Variants in DCC observed in about 807,000 individuals in gnomAD.
DCC encodes netrin receptor DCC.
A neutral mutation model predicts 172.5 loss-of-function variants in DCC; 58 were observed. That is an observed-to-expected ratio of 0.34 (90% CI 0.27 to 0.42). The LOEUF is 0.42. Among genes scored for constraint, DCC ranks in the 10% least tolerant of loss-of-function variants. DCC has a pLI of 1.00. For missense variants in DCC, 1,740 were observed against 1,791.0 expected (o/e 0.97, Z 0.51); for synonymous variants, 709 against 644.5 (o/e 1.10, Z -1.52).
chr18:53,286,324 G>A (rs934648481), intron 12 of DCC, among the ~76,000 whole-genome samples: 1 of 152,084 alleles, frequency 6.6e-6, no homozygotes. Context: ...GGTCTTTCCT[G>A]TGCTGTACTC....
chr18:52,700,915 A>T (rs1240705803), intron 1 of DCC, among the ~76,000 whole-genome samples: 1 of 152,238 alleles, frequency 6.6e-6, no homozygotes, highest in African/African-American at 2.4e-5. Flanking sequence ...TTGCAAGTAC[A>T]AAATTTCCTA....
intron 1 of DCC, among the ~76,000 whole-genome samples, chr18:52,626,700 T>C (rs2034580053): frequency 6.6e-6 from 1 of 152,156 alleles, no homozygotes; most frequent in Non-Finnish European, 1.5e-5. Context: ...AACAGTAAAT[T>C]TGAAACAAAA....
At chr18:52,644,991 T>C (rs75179866) in intron 1 of DCC, among the ~76,000 whole-genome samples, 1 of 152,196 alleles carries the variant, frequency 6.6e-6, no homozygotes, top group South Asian at 2.1e-4. Flanking sequence ...CTGGTTTATC[T>C]CTTCTATTTA....
intron 12 of DCC, among the ~76,000 whole-genome samples, chr18:53,298,849 G>A (rs142089843): frequency 7.7e-4 from 117 of 152,184 alleles, no homozygotes; most frequent in African/African-American, 2.7e-3. Context: ...GCCAAGTAGA[G>A]TCCCTGTGAT....
chr18:52,950,965 A>G, intron 5 of DCC, among the ~76,000 whole-genome samples: 1 of 133,432 alleles, frequency 7.5e-6, no homozygotes, highest in Non-Finnish European at 1.6e-5. Context: ...AAAAAAAAAA[A>G]AAAAAAGTCT....
chr18:53,414,711 G>T (rs1031064024), intron 20 of DCC, among the ~76,000 whole-genome samples: 1 of 152,084 alleles, frequency 6.6e-6, no homozygotes, highest in African/African-American at 2.4e-5. Context: ...AGCCAGGCGT[G>T]GTGGCACATG....
At chr18:52,863,749 T>C (rs1023350917) in intron 2 of DCC, among the ~76,000 whole-genome samples, 4 of 151,968 alleles carry the variant, frequency 2.6e-5, no homozygotes, top group Non-Finnish European at 5.9e-5. Flanking sequence ...AACAACTATG[T>C]TTGGTAAATT....
At chr18:52,644,578 C>CA (rs34472651) in intron 1 of DCC, among the ~76,000 whole-genome samples, 36,200 of 112,838 alleles carry the variant, frequency 0.32, 6,181 homozygotes, top group Admixed American at 0.42. Context: ...GACTCCGTCT[C>CA]AAAAAAAAAA....
At chr18:53,457,142 T>A (rs866582976) in intron 23 of DCC, among the ~76,000 whole-genome samples, 4 of 152,212 alleles carry the variant, frequency 2.6e-5, no homozygotes, top group African/African-American at 9.6e-5. Flanking sequence ...CTTGTCTTGA[T>A]CTGATTAAAA....
intron 1 of DCC, among the ~76,000 whole-genome samples, chr18:52,664,470 CTTTTTCTTT>C (rs1441193695): frequency 5.0e-5 from 5 of 99,798 alleles, no homozygotes; most frequent in South Asian, 3.3e-4. Flanking sequence ...TTTTCTTTTT[CTTTTTCTTT>C]TTTTTTTTTT....
intron 5 of DCC, among the ~76,000 whole-genome samples, chr18:52,929,908 A>G (rs1039528254): frequency 2.0e-5 from 3 of 151,440 alleles, no homozygotes; most frequent in Non-Finnish European, 2.9e-5. Flanking sequence ...GCTATATTGT[A>G]TCCTCATTTT....
At chr18:53,370,349 C>T (rs1012277053) in intron 15 of DCC, among the ~76,000 whole-genome samples, 6 of 151,540 alleles carry the variant, frequency 4.0e-5, no homozygotes, top group Admixed American at 2.0e-4. Flanking sequence ...TTTCTTAGTT[C>T]ATCAAGCCAA....
At chr18:52,508,261 T>A (rs1349372931) in intron 1 of DCC, among the ~76,000 whole-genome samples, 1 of 152,170 alleles carries the variant, frequency 6.6e-6, no homozygotes, top group Non-Finnish European at 1.5e-5. Context: ...CAGTTGAGGA[T>A]CTCCTTGTTT....
At chr18:53,391,390 G>A (rs1908535052) in intron 16 of DCC, among the ~76,000 whole-genome samples, 1 of 152,144 alleles carries the variant, frequency 6.6e-6, no homozygotes, top group African/African-American at 2.4e-5. Context: ...ATAAGCAGAA[G>A]TGACAGTCAA....
At chr18:52,434,122 T>C (rs1423391634) in intron 1 of DCC, among the ~76,000 whole-genome samples, 1 of 152,354 alleles carries the variant, frequency 6.6e-6, no homozygotes, top group Middle Eastern at 3.4e-3. Context: ...GTAATCCATA[T>C]TGTAATCAAT....
At chr18:52,463,741 A>T (rs1320182582) in intron 1 of DCC, among the ~76,000 whole-genome samples, 1 of 152,196 alleles carries the variant, frequency 6.6e-6, no homozygotes, top group Non-Finnish European at 1.5e-5. Flanking sequence ...GGTGCTGAGG[A>T]TATAACAAAA....
At chr18:53,410,758 A>G (rs1204864104) in intron 20 of DCC, 112 bp downstream of exon 20, 5 of 733,946 alleles carry the variant, frequency 6.8e-6, no homozygotes, top group Non-Finnish European at 1.2e-5. Context: ...ACATGGCTGC[A>G]GTGGACATTC....
At chr18:52,505,127 T>C (rs2031183172) in intron 1 of DCC, among the ~76,000 whole-genome samples, 1 of 152,160 alleles carries the variant, frequency 6.6e-6, no homozygotes, top group South Asian at 2.1e-4. Flanking sequence ...CAACTTGCTG[T>C]AAGAGGCAAA....
chr18:52,973,778 C>T (rs890630108), intron 5 of DCC, among the ~76,000 whole-genome samples: 1 of 152,158 alleles, frequency 6.6e-6, no homozygotes, highest in African/African-American at 2.4e-5. Flanking sequence ...GAAGAGGATG[C>T]TAGACCTTCA....
Sources: allele counts gnomAD v4.1 joint callset (sites outside exome capture counted in the v4.1 genomes callset), GRCh38; gene constraint gnomAD v4.1.1; transcripts MANE v1.5; gene names NCBI Gene and HGNC (gene_info 2026-07-23, HGNC 2026-07-21).